Variants in MTHFD2L observed in about 807,000 individuals in gnomAD.
MTHFD2L encodes methylenetetrahydrofolate dehydrogenase (NADP+ dependent) 2 like, also known as bifunctional methylenetetrahydrofolate dehydrogenase/cyclohydrolase 2, mitochondrial.
MTHFD2L carries 29 observed loss-of-function variants against 34.9 expected under a neutral mutation model. The ratio of observed to expected loss-of-function variants is 0.83; its 90% confidence interval spans 0.62 to 1.13. MTHFD2L has a LOEUF of 1.13. MTHFD2L is among the 50% of genes most tolerant of loss of function. The pLI is 0.00. For synonymous variants in MTHFD2L, 167 were observed against 155.7 expected (o/e 1.07, Z -0.54); for missense variants, 481 against 446.5 (o/e 1.08, Z -0.70).
At chr4:74,207,766 CTT>C (rs768932793) in intron 5 of MTHFD2L, among the ~76,000 whole-genome samples, 45 of 128,268 alleles carry the variant, frequency 3.5e-4, no homozygotes, top group Admixed American at 4.0e-4. Context: ...TGAAAAAGAA[CTT>C]TTTTTTTTTT....
At chr4:74,262,501 G>T (rs1282905322) in intron 6 of MTHFD2L, among the ~76,000 whole-genome samples, 3 of 151,828 alleles carry the variant, frequency 2.0e-5, no homozygotes, top group African/African-American at 4.8e-5. Context: ...ACATAACAAA[G>T]AATTAGTATG....
At chr4:74,254,076 AT>A (rs1363884680) in intron 6 of MTHFD2L, among the ~76,000 whole-genome samples, 1 of 152,178 alleles carries the variant, frequency 6.6e-6, no homozygotes, top group Non-Finnish European at 1.5e-5. Context: ...CAATAAATGC[AT>A]TTGGGGACGT....
chr4:74,191,234 A>C (rs953513468), intron 3 of MTHFD2L, among the ~76,000 whole-genome samples: 1 of 151,870 alleles, frequency 6.6e-6, no homozygotes, highest in Non-Finnish European at 1.5e-5. Context: ...TATATTCTAA[A>C]CCCCTACTGG....
chr4:74,124,302 C>T (rs933136005), upstream of MTHFD2L, among the ~76,000 whole-genome samples: 1 of 151,522 alleles, frequency 6.6e-6, no homozygotes, highest in Non-Finnish European at 1.5e-5. Flanking sequence ...TACAAGTCAT[C>T]TCTGTAAAAT....
At chr4:74,149,968 T>C (rs971701965) in intron 1 of MTHFD2L, among the ~76,000 whole-genome samples, 6 of 152,032 alleles carry the variant, frequency 3.9e-5, no homozygotes, top group Non-Finnish European at 7.4e-5. Context: ...GCCTTTAGAA[T>C]AGAGACCCTC....
upstream of MTHFD2L, among the ~76,000 whole-genome samples, chr4:74,155,248 A>T (rs1420390723): frequency 6.6e-6 from 1 of 152,178 alleles, no homozygotes; most frequent in East Asian, 1.9e-4. Flanking sequence ...CAGTTAGATT[A>T]TCTTGTCACA....
intron 5 of MTHFD2L, among the ~76,000 whole-genome samples, chr4:74,206,761 G>A (rs539687511): frequency 5.9e-5 from 9 of 152,056 alleles, no homozygotes; most frequent in African/African-American, 2.2e-4. Context: ...TTTACAATGA[G>A]GAAGTAAAGT....
chr4:74,147,990 G>A (rs139098597), intron 1 of MTHFD2L, among the ~76,000 whole-genome samples: 1 of 152,074 alleles, frequency 6.6e-6, no homozygotes, highest in East Asian at 1.9e-4. Flanking sequence ...TATGTCCTCT[G>A]CTGCACAGAA....
At chr4:74,199,295 T>C (rs147141204) in intron 3 of MTHFD2L, among the ~76,000 whole-genome samples, 34 of 152,170 alleles carry the variant, frequency 2.2e-4, no homozygotes, top group South Asian at 1.2e-3. Context: ...GTGTGTTTTA[T>C]ATTAGATTTT....
At chr4:74,183,935 T>G (rs891720817) in intron 3 of MTHFD2L, 6 of 152,170 alleles carry the variant, frequency 3.9e-5, no homozygotes, top group Non-Finnish European at 5.9e-5. Flanking sequence ...CACAAAAGTT[T>G]GTATGGAAGA....
chr4:74,163,896 GGC>G (rs1726025428), intron 1 of MTHFD2L, among the ~76,000 whole-genome samples: 1 of 152,032 alleles, frequency 6.6e-6, no homozygotes, highest in Non-Finnish European at 1.5e-5. Flanking sequence ...TTTTGTTTGA[GGC>G]AGAGTCTTGC....
Position 74,263,254 on chromosome 4 carries a change from C to T in MTHFD2L, c.806-18171C>T, listed in dbSNP as rs568957943. Among the ~76,000 whole-genome samples, 3 of 151,976 alleles carry T rather than the reference C, an allele frequency of 2.0e-5. No homozygotes were observed. In the East Asian group the frequency reaches 5.8e-4, roughly 29 times the overall value. ...TAACCCTGTAAATATAATTTGAAGT[C>T]GGGTAGCATGATGCCTCCAGTTTTG... On this transcript the variant is annotated intron_variant, in intron 6 of 7. Transcript: ENST00000325278.
At chr4:74,125,609 T>C (rs1015303743) in intron 1 of MTHFD2L, 1 of 152,160 alleles carries the variant, frequency 6.6e-6, no homozygotes, top group East Asian at 1.9e-4. Context: ...TTTAAGAGTT[T>C]TACCTAATGG....
intron 6 of MTHFD2L, chr4:74,242,195 AGT>A (rs1302511357): frequency 1.1e-4 from 3 of 26,330 alleles, no homozygotes; most frequent in Non-Finnish European, 4.0e-4. Context: ...ATAGTAAATA[AGT>A]AAAAAAATAA....
chr4:74,159,311 T>A (rs1188011884), intron 1 of MTHFD2L, among the ~76,000 whole-genome samples: 1 of 152,184 alleles, frequency 6.6e-6, no homozygotes, highest in African/African-American at 2.4e-5. Context: ...TTGTGTAAGC[T>A]GTAGTAGGTT....
rs114961484 is a variant in MTHFD2L at position 74,179,776 on chromosome 4, C to A, written c.451+4373C>A. ...GTAATAAATAATTTAAATATTCATT[C>A]ATCAATCTTTAACATAGATTAAAAG... is the stretch of plus-strand genomic sequence containing the variant. On this transcript the variant is annotated intron_variant, in intron 3 of 7. Coordinates refer to ENST00000325278, the MANE Select transcript of MTHFD2L (RefSeq NM_001144978.3). Among the ~76,000 whole-genome samples, 1,186 of 152,176 alleles carry A rather than the reference C, an allele frequency of 7.8e-3. 3 individuals are homozygous for A. Among genetic ancestry groups the A allele is most frequent in the Non-Finnish European group, 0.012 (809 of 67,960 alleles).
At chr4:74,155,238 C>G (rs1445598804), upstream of MTHFD2L, among the ~76,000 whole-genome samples, 1 of 152,144 alleles carries the variant, frequency 6.6e-6, no homozygotes, top group Non-Finnish European at 1.5e-5. Flanking sequence ...AAGTGTAATA[C>G]AGTTAGATTA....
intron 7 of MTHFD2L, among the ~76,000 whole-genome samples, chr4:74,289,538 G>A (rs1378039020): frequency 6.6e-6 from 1 of 152,172 alleles, no homozygotes; most frequent in Non-Finnish European, 1.5e-5. Flanking sequence ...AGGATGTGGG[G>A]CAAAGAAATC....
At chr4:74,225,544 T>A (rs1739016194) in intron 6 of MTHFD2L, 150 bp downstream of exon 6, 3 of 637,906 alleles carry the variant, frequency 4.7e-6, no homozygotes, top group Non-Finnish European at 5.6e-6. Flanking sequence ...GCAATCATTA[T>A]ATCAGTCCAT....
Sources: allele counts gnomAD v4.1 joint callset (sites outside exome capture counted in the v4.1 genomes callset), GRCh38; gene constraint gnomAD v4.1.1; transcripts MANE v1.5; gene names NCBI Gene and HGNC (gene_info 2026-07-23, HGNC 2026-07-21).